GCFC2: variants seen among roughly 807,000 people sequenced by gnomAD.
GCFC2 encodes GC-rich sequence DNA-binding factor 2, also known as intron Large complex component GCFC2.
In GCFC2, 102 loss-of-function variants were observed where a neutral mutation model predicts 99.4. That is an observed-to-expected ratio of 1.03 (90% CI 0.87 to 1.21). The LOEUF (loss-of-function observed/expected upper bound fraction) is 1.21, where lower values mean the gene tolerates loss of function less well. Ranked by LOEUF, GCFC2 falls within the 50% of genes most tolerant of loss-of-function variation. The probability of loss-of-function intolerance (pLI) is 0.00; values close to 1 mark genes in which losing one functional copy is unlikely to be tolerated. For synonymous variants in GCFC2, 338 were observed against 316.8 expected, an observed-to-expected ratio of 1.07 and a Z score of -0.71; for missense variants, 973 against 920.9, an observed-to-expected ratio of 1.06 and a Z score of -0.73.
chr2:75,665,832 A>T lies in GCFC2; in HGVS notation c.2228+97T>A, dbSNP rs912113045. ...CTCTACAAAGTTTTAACAAATTTTTAAAAGTACAGTAAAAATACAAATCTT... is the reference window on the plus strand; with the variant it reads ...CTCTACAAAGTTTTAACAAATTTTTTAAAGTACAGTAAAAATACAAATCTT... On this transcript the variant is annotated intron_variant, in intron 16 of 16. Transcript: ENST00000321027. The T allele has an allele frequency of 6.7e-6, 5 of 749,454 alleles. No individual in the cohort carries two copies. In the South Asian group the frequency reaches 1.4e-4, roughly 22 times the overall value. 46.4% of individuals were successfully genotyped at this position (749,454 alleles called of 1,614,324 possible). A position where few individuals can be genotyped will look rare whatever the true frequency, so the allele number is the denominator to read the frequency against.
upstream of GCFC2, among the ~76,000 whole-genome samples, chr2:75,712,914 C>G (rs780713764): frequency 6.6e-6 from 1 of 152,182 alleles, no homozygotes; most frequent in Non-Finnish European, 1.5e-5. Flanking sequence ...AAAGGGACTA[C>G]TTATACCATA....
intron 15 of GCFC2, among the ~76,000 whole-genome samples, chr2:75,668,478 T>C (rs1678948204): frequency 6.6e-6 from 1 of 152,210 alleles, no homozygotes; most frequent in Admixed American, 6.5e-5. Flanking sequence ...CTGCATCTTG[T>C]TATTGGGCTG....
At chr2:75,689,475 A>T (rs892795649) in intron 9 of GCFC2, among the ~76,000 whole-genome samples, 1 of 152,156 alleles carries the variant, frequency 6.6e-6, no homozygotes, top group Admixed American at 6.5e-5. Context: ...CTTCCATACC[A>T]TATAGGTATA....
At chr2:75,712,654 A>G (rs1681236687), upstream of GCFC2, among the ~76,000 whole-genome samples, 1 of 152,130 alleles carries the variant, frequency 6.6e-6, no homozygotes, top group South Asian at 2.1e-4. Flanking sequence ...CTTTGGGTCC[A>G]CGTGGCTTTT....
At chr2:75,666,103 T>C in intron 15 of GCFC2, 50 bp from the exon 16 acceptor site, 1 of 1,466,866 alleles carries the variant, frequency 6.8e-7, no homozygotes, top group Admixed American at 1.9e-5. Flanking sequence ...ATCTAAGAAA[T>C]CTTGCTAATA....
Position 75,694,422 on chromosome 2 carries a change from G to A in GCFC2, c.839C>T (p.Thr280Ile), listed in dbSNP as rs1680217132. The change falls in exon 6 of 17, where the codon ACA becomes ATA. Residue 280 changes from threonine (T) to isoleucine (I), a missense_variant. Transcript: ENST00000321027. ...IIKKQLNTRL[T>I]LLQETHRSHL... ...TGAGCGGTGAGTTTCCTGTAGTAAT[G>A]TTAATCTAAATAAATAAAATAAAAA... The A allele has an allele frequency of 7.7e-7, 1 of 1,298,726 alleles. No homozygotes were observed. The highest frequency in any genetic ancestry group is 1.0e-6 in the Non-Finnish European group (1 of 969,684). The allele number at this position is 1,298,726 out of a possible 1,614,324, so 80.5% of individuals were successfully genotyped here. A position where few individuals can be genotyped will look rare whatever the true frequency, so the allele number is the denominator to read the frequency against.
upstream of GCFC2, among the ~76,000 whole-genome samples, chr2:75,712,608 T>C (rs10196132): frequency 0.03 from 4,591 of 152,182 alleles, 244 homozygotes; most frequent in African/African-American, 0.1. Flanking sequence ...AGCTTTGTTC[T>C]TTCGCTCTTT....
intron 15 of GCFC2, among the ~76,000 whole-genome samples, chr2:75,668,432 G>A (rs1217136113): frequency 6.6e-6 from 1 of 152,110 alleles, no homozygotes; most frequent in Non-Finnish European, 1.5e-5. Context: ...CCCTGTAACT[G>A]GTTGCAAAAA....
At chr2:75,698,123 T>A (rs1444415011) in intron 4 of GCFC2, 1 of 152,158 alleles carries the variant, frequency 6.6e-6, no homozygotes, top group Non-Finnish European at 1.5e-5. Flanking sequence ...ATCAAATAAG[T>A]GTGAGATTCC....
rs34414596 is a variant in GCFC2 at position 75,708,501 on chromosome 2, CTTTTTTTTT to C, written c.266-1859_266-1851del. Among the ~76,000 whole-genome samples the C allele has an allele frequency of 6.6e-4, 52 of 78,692 alleles. 2 individuals carry two copies. In the East Asian group the frequency reaches 9.6e-3, roughly 15 times the overall value. The allele number at this position is 78,692 out of a possible 152,430, so 51.6% of individuals were successfully genotyped here. A position where few individuals can be genotyped will look rare whatever the true frequency, so the allele number is the denominator to read the frequency against. ...TATGGTTTAAGAATCCATTTGGCAA[CTTTTTTTTT>C]TTTTTTTTTTTTTTTTTTTGAGATA... On this transcript the variant is annotated intron_variant, in intron 1 of 16. Transcript: ENST00000321027.
rs1680025538 is a variant in GCFC2, at chr2:75,690,683, A to G, written c.1181T>C (p.Val394Ala). The part of the protein sequence containing the change: ...DETSTSGNFS[V>A]DEKTQWILEE... ...TAAAATCCACTGAGTTTTTTCATCT[A>G]CTGAGAAGTTTCCACTTGTGGATGT... The change falls in exon 8 of 17, where the codon GTA becomes GCA. Residue 394 changes from valine to alanine, a missense_variant. Physicochemically the swap from Val to Ala is moderately conservative, Grantham distance 64. Coordinates refer to ENST00000321027, the MANE Select transcript of GCFC2 (RefSeq NM_003203.5). The G allele has an allele frequency of 6.4e-7, 1 of 1,569,086 alleles. No individual in the cohort carries two copies.
At chr2:75,673,121 T>G (rs947701848) in intron 13 of GCFC2, among the ~76,000 whole-genome samples, 1 of 151,734 alleles carries the variant, frequency 6.6e-6, no homozygotes, top group Non-Finnish European at 1.5e-5. Flanking sequence ...CCATCCTGGC[T>G]AACATGGTGA....
At chr2:75,708,291 T>A (rs1680961316) in intron 1 of GCFC2, among the ~76,000 whole-genome samples, 1 of 152,128 alleles carries the variant, frequency 6.6e-6, no homozygotes. Flanking sequence ...GACTGATTAA[T>A]CAGTGGTAAT....
chr2:75,674,678 A>T (rs3771879), intron 12 of GCFC2, among the ~76,000 whole-genome samples: 45,612 of 151,944 alleles, frequency 0.3, 10,572 homozygotes, highest in African/African-American at 0.66. Context: ...GTAAAAGTTA[A>T]TTTTTAAGTC....
At chr2:75,676,437 AT>A (rs1679341566) in intron 12 of GCFC2, among the ~76,000 whole-genome samples, 1 of 150,576 alleles carries the variant, frequency 6.6e-6, no homozygotes, top group South Asian at 2.1e-4. Context: ...CCACATGACA[AT>A]TTTCTAGATT....
At chr2:75,683,771 CAAAAAAAAAAA>C (rs749580096) in intron 11 of GCFC2, among the ~76,000 whole-genome samples, 1 of 60,402 alleles carries the variant, frequency 1.7e-5, no homozygotes, top group East Asian at 5.7e-4. Flanking sequence ...AAATGGAAAG[CAAAAAAAAAAA>C]AAAAAAAAAA....
At chr2:75,686,912 T>A (rs1251515742) in intron 11 of GCFC2, among the ~76,000 whole-genome samples, 1 of 151,308 alleles carries the variant, frequency 6.6e-6, no homozygotes, top group Non-Finnish European at 1.5e-5. Flanking sequence ...TAGCTGCTAG[T>A]GGCAAATGTG....
chr2:75,709,933 C>A (rs1573102644), intron 1 of GCFC2, among the ~76,000 whole-genome samples: 1 of 152,140 alleles, frequency 6.6e-6, no homozygotes, highest in Non-Finnish European at 1.5e-5. Context: ...CAACTCAGAG[C>A]AGCACATTTT....
At chr2:75,711,894 G>A (rs374700439), upstream of GCFC2, among the ~76,000 whole-genome samples, 45 of 152,336 alleles carry the variant, frequency 3.0e-4, no homozygotes, top group East Asian at 6.6e-3. Flanking sequence ...GAGCATCCCC[G>A]ACGAGCACCA....
Sources: allele counts gnomAD v4.1 joint callset (sites outside exome capture counted in the v4.1 genomes callset), GRCh38; gene constraint gnomAD v4.1.1; transcripts MANE v1.5; gene names NCBI Gene and HGNC (gene_info 2026-07-23, HGNC 2026-07-21).